BAZ1A: variants seen among roughly 807,000 people sequenced by gnomAD.
BAZ1A encodes the protein bromodomain adjacent to zinc finger domain protein 1A.
In BAZ1A, 50 loss-of-function variants were observed where a neutral mutation model predicts 185.2. The observed-to-expected ratio is 0.27, with a 90% CI of 0.22 to 0.34. The LOEUF (loss-of-function observed/expected upper bound fraction) is 0.34, where lower values mean the gene tolerates loss of function less well. BAZ1A is among the 10% of genes least tolerant of loss of function. The pLI is 1.00. For synonymous variants in BAZ1A, 571 were observed against 615.6 expected, an observed-to-expected ratio of 0.93 and a Z score of 1.07; for missense variants, 1,356 against 1,839.9, an observed-to-expected ratio of 0.74 and a Z score of 4.81.
In BAZ1A at chr14:34,875,333, A is replaced by C; in HGVS notation, c.-254T>G. The C allele has an allele frequency of 2.2e-6, 1 of 456,014 alleles. No homozygotes were observed. The highest frequency in any genetic ancestry group is 4.4e-6 in the Non-Finnish European group (1 of 226,786). 28.2% of individuals were successfully genotyped at this position (456,014 alleles called of 1,614,324 possible). ...TCCCCGCCTCTCGGAGCTCCTGGGA[A>C]GTTTCTGATCTACTTTCGGCTCTGA... is the stretch of plus-strand genomic sequence containing the variant. On this transcript the variant is annotated 5_prime_UTR_variant, in exon 1 of 27. Transcript: ENST00000360310.
chr14:34,765,311 C>A (rs1878764155), intron 21 of BAZ1A, 43 bp from the exon 22 acceptor site: 2 of 1,594,746 alleles, frequency 1.3e-6, no homozygotes, highest in South Asian at 2.3e-5. Context: ...TTAGGCAAAC[C>A]TAGTAATCTT....
chr14:34,824,408 C>CAAACCAAA (rs2042134437), intron 4 of BAZ1A, among the ~76,000 whole-genome samples: 1 of 65,772 alleles, frequency 1.5e-5, no homozygotes, highest in African/African-American at 6.6e-5. Flanking sequence ...AGCAGCAACT[C>CAAACCAAA]AAAAAAAAAA....
rs71121233 is a variant in BAZ1A, at chr14:34,863,152, C to CTTTTTT, written c.114-836_114-831dup. On this transcript the variant is annotated intron_variant, in intron 2 of 26. Coordinates refer to ENST00000360310, the MANE Select transcript of BAZ1A (RefSeq NM_013448.3). ...TACAGGTGCCCGCCACCACGCTCGG[C>CTTTTTT]TTTTTTTTTTTTTTTTTTTTTTTTT... Among the ~76,000 whole-genome samples, 5 of 44,704 alleles carry CTTTTTT rather than the reference C, an allele frequency of 1.1e-4. 1 individual carries two copies. Among genetic ancestry groups the CTTTTTT allele is most frequent in the Non-Finnish European group, 2.4e-4 (5 of 20,764 alleles). The allele number at this position is 44,704 out of a possible 152,430, so 29.3% of individuals were successfully genotyped here. A position where few individuals can be genotyped will look rare whatever the true frequency, so the allele number is the denominator to read the frequency against.
rs141415903 is a variant in BAZ1A at position 34,833,632 on chromosome 14, G to A, written c.393-7476C>T. ...ATGATTCCACTTATATGAAGTATCC[G>A]GAATAGGCAAATTCACAGAGAAAGA... On this transcript the variant is annotated intron_variant, in intron 3 of 26. Coordinates refer to ENST00000360310, the MANE Select transcript of BAZ1A (RefSeq NM_013448.3). Among the ~76,000 whole-genome samples, 112 of 152,192 alleles carry A rather than the reference G, an allele frequency of 7.4e-4. 2 individuals carry two copies. Among genetic ancestry groups the A allele is most frequent in the Middle Eastern group, 3.4e-3 (1 of 294 alleles).
chr14:34,807,602 A>G lies in BAZ1A; in HGVS notation c.639-64T>C, dbSNP rs2041864980. ...CATCAAAGAGTTCAACCCCAACTCC[A>G]TAATCTCTGTAAATTTGTAACCTGA... On this transcript the variant is annotated intron_variant, in intron 5 of 26. Coordinates refer to ENST00000360310, the MANE Select transcript of BAZ1A (RefSeq NM_013448.3). 6 of 1,143,378 alleles carry G rather than the reference A, an allele frequency of 5.2e-6. No individual in the cohort carries two copies. The East Asian group carries it at 1.4e-4, about 28-fold the overall frequency. The allele number at this position is 1,143,378 out of a possible 1,614,324, so 70.8% of individuals were successfully genotyped here.
chr14:34,776,518 G>T lies in BAZ1A; in HGVS notation c.2237-3C>A. ...AAATCCATTTTGTCCTCTTTTCCCT[G>T]TAATTAAAATAAAATGTTTCATCAT... On this transcript the variant is annotated splice_region_variant and splice_polypyrimidine_tract_variant and intron_variant, in intron 17 of 26. Coordinates refer to ENST00000360310, the MANE Select transcript of BAZ1A (RefSeq NM_013448.3). The T allele has an allele frequency of 6.4e-7, 1 of 1,559,206 alleles. No individual in the cohort carries two copies. Among genetic ancestry groups the T allele is most frequent in the Non-Finnish European group, 8.6e-7 (1 of 1,157,638 alleles).
At chr14:34,816,080 CTTTTTTTTTTTTTT>C (rs35830800) in intron 4 of BAZ1A, among the ~76,000 whole-genome samples, 4 of 79,428 alleles carry the variant, frequency 5.0e-5, no homozygotes, top group East Asian at 4.4e-4. Context: ...TATTCCAGAC[CTTTTTTTTTTTTTT>C]TTTTTTTTTT....
chr14:34,832,215 C>CACACATATAT, intron 3 of BAZ1A, among the ~76,000 whole-genome samples: 18 of 89,710 alleles, frequency 2.0e-4, no homozygotes, highest in Admixed American at 1.4e-3. Flanking sequence ...CACACACACA[C>CACACATATAT]ATATATATAT....
chr14:34,846,573 A>G (rs1432689893), intron 3 of BAZ1A, among the ~76,000 whole-genome samples: 2 of 152,156 alleles, frequency 1.3e-5, no homozygotes, highest in Non-Finnish European at 2.9e-5. Context: ...TTTGAATTAA[A>G]TGTTTAGAAA....
intron 15 of BAZ1A, 42 bp from the exon 16 acceptor site, chr14:34,783,274 T>C: frequency 8.4e-7 from 1 of 1,184,632 alleles, no homozygotes; most frequent in Non-Finnish European, 1.2e-6. Context: ...CTGATGCACA[T>C]ATACATTTCA....
At chr14:34,845,859 CAAAAAAAAA>C (rs3062591) in intron 3 of BAZ1A, among the ~76,000 whole-genome samples, 3 of 115,222 alleles carry the variant, frequency 2.6e-5, no homozygotes, top group African/African-American at 3.4e-5. Flanking sequence ...GACTCTGTCT[CAAAAAAAAA>C]AAAAAAAAAA....
chr14:34,760,023 T>TC (rs576924237), intron 24 of BAZ1A, among the ~76,000 whole-genome samples: 34 of 152,222 alleles, frequency 2.2e-4, no homozygotes, highest in African/African-American at 8.2e-4. Flanking sequence ...GCAAAATGCT[T>TC]CCTCACAGAC....
At chr14:34,807,402 A>C in intron 6 of BAZ1A, 49 bp downstream of exon 6, 1 of 1,323,630 alleles carries the variant, frequency 7.6e-7, no homozygotes, top group Non-Finnish European at 1.1e-6. Flanking sequence ...TTATAACACT[A>C]CCCATTTTGT....
chr14:34,808,641 T>G (rs1167197769), intron 5 of BAZ1A, among the ~76,000 whole-genome samples: 1 of 152,148 alleles, frequency 6.6e-6, no homozygotes, highest in Non-Finnish European at 1.5e-5. Context: ...CATTTTGTAT[T>G]TAAATCTCAT....
intron 5 of BAZ1A, 45 bp downstream of exon 5, chr14:34,810,890 A>G (rs1406047119): frequency 2.2e-6 from 3 of 1,364,882 alleles, no homozygotes; most frequent in South Asian, 1.2e-5. Context: ...TAACATACAT[A>G]ATTATTCTAC....
chr14:34,817,813 C>G (rs2042029747), intron 4 of BAZ1A, among the ~76,000 whole-genome samples: 1 of 152,096 alleles, frequency 6.6e-6, no homozygotes, highest in Non-Finnish European at 1.5e-5. Context: ...ATAAGGATGA[C>G]TATAATTTTT....
At chr14:34,792,566 A>C (rs1377430695) in intron 12 of BAZ1A, among the ~76,000 whole-genome samples, 3 of 152,162 alleles carry the variant, frequency 2.0e-5, no homozygotes, top group Non-Finnish European at 4.4e-5. Context: ...CTGAGGGAAA[A>C]TATCTTTAAG....
intron 3 of BAZ1A, among the ~76,000 whole-genome samples, chr14:34,828,066 G>A (rs1183600207): frequency 2.6e-5 from 4 of 151,854 alleles, no homozygotes; most frequent in South Asian, 2.1e-4. Flanking sequence ...ACACCGAGGC[G>A]GGCGGATCAC....
Position 34,753,477 on chromosome 14 carries a change from T to C in BAZ1A, c.*31A>G, listed in dbSNP as rs936580793. The C allele has an allele frequency of 6.2e-7, 1 of 1,609,638 alleles. No individual in the cohort carries two copies. The highest frequency in any genetic ancestry group is 1.3e-5 in the African/African-American group (1 of 74,896). On this transcript the variant is annotated 3_prime_UTR_variant, in exon 27 of 27. Transcript: ENST00000360310. ...TTCCATTTTCATGAACAATTTGTTT[T>C]TCTTCAAATATATCCTTTAGAAGGA...
Sources: gnomAD v4.1 joint callset for allele counts (sites outside exome capture counted in the v4.1 genomes callset) on GRCh38, gnomAD v4.1.1 for gene constraint, MANE v1.5 for transcripts, NCBI Gene and HGNC (gene_info 2026-07-23, HGNC 2026-07-21) for gene names.